The following PI4KA variants were observed in gnomAD, a reference collection of about 807,000 sequenced individuals.
The protein encoded by PI4KA is PI4-kinase alpha.
PI4KA carries 122 observed loss-of-function variants against 271.4 expected under a neutral mutation model. That is an observed-to-expected ratio of 0.45 (90% CI 0.39 to 0.52). The LOEUF (loss-of-function observed/expected upper bound fraction) is 0.52, where lower values mean the gene tolerates loss of function less well. Ranked by LOEUF, PI4KA falls within the 20% of genes least tolerant of loss-of-function variation. PI4KA has a pLI of 0.00. For missense variants in PI4KA, 1,969 were observed against 2,769.1 expected (o/e 0.71, Z 6.48); for synonymous variants, 1,041 against 1,078.8 (o/e 0.96, Z 0.69).
Position 20,858,675 on chromosome 22 carries a change from G to GCCGCCGCCT in PI4KA, c.42_50dup (p.Gly16_Gly18dup). 2 of 1,472,542 alleles carry GCCGCCGCCT rather than the reference G, an allele frequency of 1.4e-6. No homozygotes were observed. Among genetic ancestry groups the GCCGCCGCCT allele is most frequent in the Non-Finnish European group, 8.9e-7 (1 of 1,119,138 alleles). The allele number at this position is 1,472,542 out of a possible 1,614,324, so 91.2% of individuals were successfully genotyped here. A position where few individuals can be genotyped will look rare whatever the true frequency, so the allele number is the denominator to read the frequency against. ...CGCTGGAGCCGGAGCCGGAGCAGCCGCCGCCGCCTCCGCCTCCGCCTCCGC... is the reference window on the plus strand; with the variant it reads ...CGCTGGAGCCGGAGCCGGAGCAGCCGCCGCCGCCTCCGCCGCCTCCGCCTCCGCCTCCGC... On this transcript the variant is annotated inframe_insertion, in exon 1 of 55. Transcript: ENST00000255882.
chr22:20,732,324 G>A (rs1437681447), intron 36 of PI4KA, among the ~76,000 whole-genome samples: 2 of 152,234 alleles, frequency 1.3e-5, no homozygotes, highest in South Asian at 2.1e-4. Context: ...AGGTTGCAGT[G>A]AGCCAAGATT....
intron 45 of PI4KA, among the ~76,000 whole-genome samples, chr22:20,714,955 G>C (rs1925789725): frequency 6.6e-6 from 1 of 152,198 alleles, no homozygotes; most frequent in South Asian, 2.1e-4. Context: ...GCTCTTCCTG[G>C]AGGAGCACTG....
At chr22:20,724,304 TA>T (rs879345723) in intron 42 of PI4KA, among the ~76,000 whole-genome samples, 583 of 125,382 alleles carry the variant, frequency 4.6e-3, no homozygotes, top group Middle Eastern at 5.1e-3. Context: ...AAACTCTGTC[TA>T]AAAAAAAAAA....
intron 1 of PI4KA, among the ~76,000 whole-genome samples, chr22:20,843,259 G>A (rs1925818520): frequency 6.6e-6 from 1 of 152,204 alleles, no homozygotes; most frequent in Non-Finnish European, 1.5e-5. Flanking sequence ...GAAGGCTGAG[G>A]CAGGAGGGCT....
chr22:20,729,844 G>C (rs1257280721), intron 37 of PI4KA, 48 bp downstream of exon 37: 1 of 1,611,828 alleles, frequency 6.2e-7, no homozygotes, highest in South Asian at 1.1e-5. Flanking sequence ...CTTGCAACTA[G>C]AATGATAGCT....
intron 4 of PI4KA, 105 bp from the exon 5 acceptor site, chr22:20,820,716 A>G: frequency 2.6e-6 from 2 of 775,560 alleles, no homozygotes; most frequent in South Asian, 3.2e-5. Flanking sequence ...ATCTTAACCA[A>G]CCCCATATAT....
intron 1 of PI4KA, among the ~76,000 whole-genome samples, chr22:20,848,934 T>C (rs1569100215): frequency 6.6e-6 from 1 of 152,162 alleles, no homozygotes; most frequent in South Asian, 2.1e-4. Flanking sequence ...GCAAATCATA[T>C]ATCTTATTAA....
At chr22:20,724,173 C>T (rs1024501540) in intron 42 of PI4KA, among the ~76,000 whole-genome samples, 1 of 151,416 alleles carries the variant, frequency 6.6e-6, no homozygotes, top group African/African-American at 2.4e-5. Context: ...GGTGTGGTGG[C>T]ACATGCCTGT....
chr22:20,777,651 C>T (rs534798618), intron 19 of PI4KA, among the ~76,000 whole-genome samples: 8 of 152,298 alleles, frequency 5.3e-5, no homozygotes, highest in African/African-American at 1.9e-4. Context: ...AGCGCCTGGC[C>T]GGCAGTTCTT....
chr22:20,758,714 G>A (rs1207724145), intron 23 of PI4KA, among the ~76,000 whole-genome samples: 1 of 152,110 alleles, frequency 6.6e-6, no homozygotes, highest in Non-Finnish European at 1.5e-5. Flanking sequence ...TGGTCCTGGG[G>A]CATGTGTGTG....
intron 17 of PI4KA, chr22:20,798,345 G>C: frequency 2.0e-6 from 1 of 498,996 alleles, no homozygotes; most frequent in East Asian, 3.6e-5. Flanking sequence ...TGCATGTGCA[G>C]CATGGGCCCA....
At chr22:20,739,982 A>G (rs1013445880) in intron 32 of PI4KA, among the ~76,000 whole-genome samples, 5 of 148,304 alleles carry the variant, frequency 3.4e-5, no homozygotes, top group African/African-American at 1.3e-4. Context: ...GAATCACTTG[A>G]ACCCACGAGG....
At chr22:20,730,665 G>C (rs1303455209) in intron 36 of PI4KA, among the ~76,000 whole-genome samples, 1 of 152,032 alleles carries the variant, frequency 6.6e-6, no homozygotes, top group Non-Finnish European at 1.5e-5. Flanking sequence ...CTGCCTCCCG[G>C]GTTTAAGCAA....
intron 3 of PI4KA, among the ~76,000 whole-genome samples, chr22:20,825,044 T>C (rs796822240): frequency 1.9e-5 from 2 of 105,554 alleles, no homozygotes; most frequent in African/African-American, 7.6e-5. Context: ...TACTCCAGCC[T>C]GGGTGACAGA....
At chr22:20,858,512 C>T in intron 1 of PI4KA, 58 bp downstream of exon 1, 1 of 1,222,658 alleles carries the variant, frequency 8.2e-7, no homozygotes, top group Non-Finnish European at 1.1e-6. Context: ...CCCGCCTCCA[C>T]GCTTCGTCAC....
intron 3 of PI4KA, among the ~76,000 whole-genome samples, chr22:20,827,838 A>C (rs1402739570): frequency 6.6e-6 from 1 of 152,144 alleles, no homozygotes; most frequent in Non-Finnish European, 1.5e-5. Flanking sequence ...TCTGTCGCCC[A>C]GGCTGGAGGG....
At chr22:20,749,620 C>T (rs1201633211) in intron 28 of PI4KA, among the ~76,000 whole-genome samples, 1 of 152,262 alleles carries the variant, frequency 6.6e-6, no homozygotes, top group Non-Finnish European at 1.5e-5. Context: ...ACCACACAAG[C>T]CCTTCCTCTC....
In PI4KA at chr22:20,805,039, T is replaced by G. The variant is rs1569054087; in HGVS notation, c.1295A>C (p.Lys432Thr). 1.2e-6 allele frequency: 2 copies of G among 1,614,156 alleles called. No homozygotes were observed. The highest frequency in any genetic ancestry group is 4.5e-5 in the East Asian group (2 of 44,888). ...GGCAGCATTCGCCTGACAGCGCAGT[T>G]TGAGGGGGCTCAGCTCATTGTGGAT... ...DRIHNELSPL[K>T]LRCQANAACV... The change falls in exon 11 of 55, where the codon AAA (lysine) becomes ACA (threonine). Residue 432 changes from lysine to threonine, a missense_variant. Physicochemically the swap from Lys to Thr is moderately conservative, Grantham distance 78 (BLOSUM62 -1). This residue lies in a region of PI4KA where 540 missense variants were observed against 555.5 expected (regional missense o/e 0.97). Transcript: ENST00000255882.
At chr22:20,732,554 C>T (rs1406323870) in intron 36 of PI4KA, among the ~76,000 whole-genome samples, 6 of 152,226 alleles carry the variant, frequency 3.9e-5, no homozygotes, top group East Asian at 3.8e-4. Context: ...TGCCTGTCCC[C>T]GAGGAGTGCT....
Sources: gnomAD v4.1 joint callset for allele counts (sites outside exome capture counted in the v4.1 genomes callset) on GRCh38, gnomAD v4.1.1 for gene constraint, gnomAD v4.1.1 regional missense constraint, MANE v1.5 for transcripts, NCBI Gene and HGNC (gene_info 2026-07-23, HGNC 2026-07-21) for gene names.